Variants in NME7 observed in about 807,000 individuals in gnomAD.
NME7 encodes nucleoside diphosphate kinase 7.
NME7 carries 41 observed loss-of-function variants against 49.1 expected under a neutral mutation model. That is an observed-to-expected ratio of 0.83 (90% CI 0.65 to 1.08). NME7 has a LOEUF of 1.08. NME7 is among the 50% of genes least tolerant of loss of function. NME7 has a pLI of 0.00. For missense variants in NME7, 423 were observed against 463.4 expected (o/e 0.91, Z 0.80); for synonymous variants, 139 against 150.6 (o/e 0.92, Z 0.56).
At chr1:169,367,305 T>TC (rs2101998195) in intron 1 of NME7, among the ~76,000 whole-genome samples, 1 of 152,090 alleles carries the variant, frequency 6.6e-6, no homozygotes, top group Non-Finnish European at 1.5e-5. Flanking sequence ...GCAAAAAGAC[T>TC]CCAAGATCTA....
rs1241402811 is a variant in NME7 at position 169,230,751 on chromosome 1, CTT to C, written c.955_956del (p.Lys319AspfsTer10). On this transcript the variant is annotated frameshift_variant, in exon 10 of 12. Transcript: ENST00000367811. LOFTEE classifies it high-confidence loss of function. ...AMEIQQNNAT[K>X]TFREFCGPAD... ...CAGGTCCACAAAATTCTCGAAATGT[CTT>C]TGTAGCATTATTCTGTTGAATCTCC... is the stretch of plus-strand genomic sequence containing the variant. The C allele has an allele frequency of 2.0e-5, 32 of 1,605,412 alleles. No individual in the cohort carries two copies. Among genetic ancestry groups the C allele is most frequent in the Non-Finnish European group, 2.7e-5 (32 of 1,176,276 alleles).
intron 7 of NME7, chr1:169,286,701 A>G (rs1650285537): frequency 6.6e-6 from 1 of 152,066 alleles, no homozygotes; most frequent in Admixed American, 6.6e-5. Context: ...CAGGAGTGCT[A>G]TTGGCTGGGC....
intron 1 of NME7, among the ~76,000 whole-genome samples, chr1:169,346,005 C>A (rs1237203986): frequency 6.6e-6 from 1 of 152,174 alleles, no homozygotes; most frequent in Non-Finnish European, 1.5e-5. Flanking sequence ...AGATCTAATT[C>A]ATCAGGAAAT....
intron 10 of NME7, among the ~76,000 whole-genome samples, chr1:169,186,372 T>C (rs1660066311): frequency 6.6e-6 from 1 of 152,184 alleles, no homozygotes; most frequent in Non-Finnish European, 1.5e-5. Context: ...AATGCTCTAT[T>C]GCTCTGAGGG....
At chr1:169,212,401 C>T (rs1001437222) in intron 10 of NME7, among the ~76,000 whole-genome samples, 3 of 151,706 alleles carry the variant, frequency 2.0e-5, no homozygotes, top group Admixed American at 6.6e-5. Context: ...GTGAATTTAC[C>T]TACTCACTGA....
intron 1 of NME7, among the ~76,000 whole-genome samples, chr1:169,351,362 A>C (rs1332914573): frequency 6.6e-6 from 1 of 152,076 alleles, no homozygotes; most frequent in Non-Finnish European, 1.5e-5. Context: ...CTTGATACAA[A>C]CGATAAAGGA....
intron 3 of NME7, among the ~76,000 whole-genome samples, chr1:169,315,352 C>T (rs1448877391): frequency 6.6e-6 from 1 of 151,566 alleles, no homozygotes. Context: ...ACAACCTCCA[C>T]CTCCCGGGTT....
intron 11 of NME7, among the ~76,000 whole-genome samples, chr1:169,159,170 A>G (rs1318906061): frequency 6.6e-6 from 1 of 152,208 alleles, no homozygotes; most frequent in Non-Finnish European, 1.5e-5. Flanking sequence ...GTGTTAGCTC[A>G]GCTGGCATTC....
chr1:169,325,690 G>A (rs1420147581), intron 1 of NME7, among the ~76,000 whole-genome samples: 1 of 152,110 alleles, frequency 6.6e-6, no homozygotes. Context: ...TTCTTTTTAA[G>A]TTAATAATTG....
chr1:169,188,039 GA>G (rs1660122298), intron 10 of NME7, among the ~76,000 whole-genome samples: 1 of 152,126 alleles, frequency 6.6e-6, no homozygotes, highest in African/African-American at 2.4e-5. Context: ...ATCCTGGGTT[GA>G]AAACTCTTTT....
intron 4 of NME7, among the ~76,000 whole-genome samples, chr1:169,303,738 C>T (rs1276862799): frequency 6.6e-6 from 1 of 152,138 alleles, no homozygotes; most frequent in East Asian, 1.9e-4. Context: ...AGGCATGAGC[C>T]ACCGCACCTG....
At chr1:169,231,466 C>T (rs1179151019) in intron 9 of NME7, among the ~76,000 whole-genome samples, 8 of 152,086 alleles carry the variant, frequency 5.3e-5, no homozygotes, top group Non-Finnish European at 7.4e-5. Context: ...GATTGCACTT[C>T]GGGGAGGCCA....
chr1:169,145,488 G>A lies in NME7; in HGVS notation c.1099-12671C>T, dbSNP rs1010872518. Among the ~76,000 whole-genome samples, 5 of 152,258 alleles carry A rather than the reference G, an allele frequency of 3.3e-5. No homozygotes were observed. In the East Asian group the frequency reaches 5.8e-4, roughly 18 times the overall value. On this transcript the variant is annotated intron_variant, in intron 11 of 11. Transcript: ENST00000367811. ...CAGTTATAGAAGCACAGTGGGAGGCGGGGTGGAGGTGAGGACAGAAGCATT... is the reference window on the plus strand; with the variant it reads ...CAGTTATAGAAGCACAGTGGGAGGCAGGGTGGAGGTGAGGACAGAAGCATT...
chr1:169,269,719 C>A (rs1467122877), intron 7 of NME7, among the ~76,000 whole-genome samples: 1 of 133,508 alleles, frequency 7.5e-6, no homozygotes, highest in African/African-American at 2.5e-5. Context: ...CTACCAGTCT[C>A]ATTTTAATTC....
At chr1:169,236,596 C>T (rs1185730978) in intron 8 of NME7, among the ~76,000 whole-genome samples, 2 of 152,062 alleles carry the variant, frequency 1.3e-5, no homozygotes, top group East Asian at 1.9e-4. Context: ...GTTAATATAT[C>T]ACCAAGCTAA....
intron 3 of NME7, among the ~76,000 whole-genome samples, chr1:169,312,888 T>C (rs1651454189): frequency 6.6e-6 from 1 of 152,192 alleles, no homozygotes. Context: ...TTCATATTTG[T>C]CTTAAGTAAA....
chr1:169,212,591 C>A (rs936775134), intron 10 of NME7, among the ~76,000 whole-genome samples: 5 of 141,014 alleles, frequency 3.5e-5, no homozygotes, highest in African/African-American at 1.0e-4. Flanking sequence ...CACTTTAAAA[C>A]AAATGTCCTT....
chr1:169,350,932 A>G (rs1653149741), intron 1 of NME7, among the ~76,000 whole-genome samples: 1 of 152,098 alleles, frequency 6.6e-6, no homozygotes, highest in Non-Finnish European at 1.5e-5. Flanking sequence ...AAAATTTGGG[A>G]ATAAGACTAG....
intron 1 of NME7, among the ~76,000 whole-genome samples, chr1:169,363,852 C>G (rs139599621): frequency 6.6e-6 from 1 of 152,134 alleles, no homozygotes; most frequent in Non-Finnish European, 1.5e-5. Flanking sequence ...CCTGCAATCC[C>G]GGCAGGAGGA....
Sources: gnomAD v4.1 joint callset for allele counts (sites outside exome capture counted in the v4.1 genomes callset) on GRCh38, gnomAD v4.1.1 for gene constraint, MANE v1.5 for transcripts, NCBI Gene and HGNC (gene_info 2026-07-23, HGNC 2026-07-21) for gene names.